Variants in FAM135B observed in about 807,000 individuals in gnomAD.
FAM135B encodes family with sequence similarity 135 member B.
A neutral mutation model predicts 127.7 loss-of-function variants in FAM135B; 43 were observed. The observed-to-expected ratio is 0.34, with a 90% CI of 0.26 to 0.43. FAM135B has a LOEUF of 0.43. Ranked by LOEUF, FAM135B falls within the 20% of genes least tolerant of loss-of-function variation. The pLI, the probability that FAM135B is intolerant of heterozygous loss-of-function variation, is 1.00. For synonymous variants in FAM135B, 670 were observed against 665.1 expected, an observed-to-expected ratio of 1.01 and a Z score of -0.11; for missense variants, 1,558 against 1,725.6, an observed-to-expected ratio of 0.90 and a Z score of 1.72.
chr8:138,207,745 C>T (rs79430186), intron 7 of FAM135B, among the ~76,000 whole-genome samples: 3,168 of 152,230 alleles, frequency 0.021, 54 homozygotes, highest in Middle Eastern at 0.055. Context: ...CCTTTCTCTG[C>T]CCATTTATTG....
chr8:138,283,283 C>T (rs760338345), intron 3 of FAM135B, among the ~76,000 whole-genome samples: 30 of 151,900 alleles, frequency 2.0e-4, no homozygotes, highest in African/African-American at 6.5e-4. Context: ...AGAACCAAAA[C>T]GAAATGAGCC....
intron 1 of FAM135B, among the ~76,000 whole-genome samples, chr8:138,409,566 C>T (rs1459475725): frequency 1.3e-5 from 2 of 151,914 alleles, no homozygotes; most frequent in East Asian, 1.9e-4. Flanking sequence ...AATTGCATCA[C>T]CTAGGAAGGA....
chr8:138,419,276 T>A (rs1420527473), intron 1 of FAM135B, among the ~76,000 whole-genome samples: 1 of 152,108 alleles, frequency 6.6e-6, no homozygotes. Flanking sequence ...TGTTACATAA[T>A]GATAAAGGGT....
chr8:138,158,045 G>A (rs201422610), intron 12 of FAM135B, among the ~76,000 whole-genome samples: 11 of 152,090 alleles, frequency 7.2e-5, no homozygotes, highest in African/African-American at 2.7e-4. Flanking sequence ...CTGACTTCAA[G>A]CTATAGTACA....
chr8:138,412,592 G>C (rs972630756), intron 1 of FAM135B, among the ~76,000 whole-genome samples: 1 of 152,118 alleles, frequency 6.6e-6, no homozygotes, highest in Admixed American at 6.5e-5. Context: ...CTTTGCTTCT[G>C]TCTTATATTG....
chr8:138,420,527 C>T (rs1016616715), intron 1 of FAM135B, among the ~76,000 whole-genome samples: 1 of 151,812 alleles, frequency 6.6e-6, no homozygotes, highest in African/African-American at 2.4e-5. Context: ...CTATTAATAA[C>T]ACCAAAACTG....
intron 3 of FAM135B, among the ~76,000 whole-genome samples, chr8:138,299,999 G>A (rs1216747506): frequency 6.6e-6 from 1 of 151,922 alleles, no homozygotes; most frequent in East Asian, 1.9e-4. Flanking sequence ...ACGGAATCTC[G>A]CTCTATCGCC....
intron 7 of FAM135B, among the ~76,000 whole-genome samples, chr8:138,207,036 A>G (rs909460705): frequency 6.6e-6 from 1 of 152,100 alleles, no homozygotes; most frequent in South Asian, 2.1e-4. Flanking sequence ...GTGATCACAG[A>G]CACATCTATA....
intron 4 of FAM135B, among the ~76,000 whole-genome samples, chr8:138,258,358 G>T (rs1471447662): frequency 1.3e-5 from 2 of 152,070 alleles, no homozygotes; most frequent in East Asian, 1.9e-4. Flanking sequence ...GGTCTCCAGG[G>T]TTTAAAATTT....
chr8:138,489,591 C>T (rs1008607230), intron 1 of FAM135B, among the ~76,000 whole-genome samples: 1 of 152,142 alleles, frequency 6.6e-6, no homozygotes, highest in South Asian at 2.1e-4. Context: ...AGTTTAAGAT[C>T]TTTCCACCCC....
At chr8:138,172,140 T>A (rs554836601) in intron 11 of FAM135B, among the ~76,000 whole-genome samples, 9 of 152,336 alleles carry the variant, frequency 5.9e-5, no homozygotes, top group African/African-American at 2.2e-4. Context: ...AACAACTTTC[T>A]CTCTGAATTA....
chr8:138,446,935 C>T (rs1412765320), intron 1 of FAM135B, among the ~76,000 whole-genome samples: 1 of 152,158 alleles, frequency 6.6e-6, no homozygotes, highest in Admixed American at 6.5e-5. Context: ...CCAGAATCTA[C>T]AGAGAACTCA....
intron 9 of FAM135B, among the ~76,000 whole-genome samples, chr8:138,182,805 T>C (rs1014596909): frequency 6.6e-6 from 1 of 152,230 alleles, no homozygotes; most frequent in Non-Finnish European, 1.5e-5. Flanking sequence ...TCAATTATGG[T>C]TGCCCATCGG....
chr8:138,302,701 G>T (rs138694053), intron 3 of FAM135B, among the ~76,000 whole-genome samples: 116 of 152,294 alleles, frequency 7.6e-4, no homozygotes, highest in African/African-American at 2.7e-3. Flanking sequence ...CTGAGTCCCT[G>T]GGGCCTCCCC....
chr8:138,320,186 A>C lies in FAM135B; in HGVS notation c.78-9266T>G, dbSNP rs900852586. Among the ~76,000 whole-genome samples, 26 of 152,354 alleles carry C rather than the reference A, an allele frequency of 1.7e-4. 1 individual carries two copies. The highest frequency in any genetic ancestry group is 1.0e-3 in the Admixed American group (16 of 15,298). On this transcript the variant is annotated intron_variant, in intron 2 of 19. Transcript: ENST00000395297. ...GTTTTAAGCCACTTAGGTTATGGCA[A>C]TATATTATAGCAGTAATTGTAAACT...
chr8:138,430,941 C>A (rs1835158833), intron 1 of FAM135B, among the ~76,000 whole-genome samples: 1 of 152,064 alleles, frequency 6.6e-6, no homozygotes, highest in African/African-American at 2.4e-5. Context: ...CGAAATTTCC[C>A]AAGGGAATAA....
intron 7 of FAM135B, among the ~76,000 whole-genome samples, chr8:138,211,075 C>G (rs1818104018): frequency 6.6e-6 from 1 of 152,144 alleles, no homozygotes; most frequent in Non-Finnish European, 1.5e-5. Context: ...ATAAAAGATG[C>G]TCCGTGCTAA....
At chr8:138,195,518 T>C (rs1016682584) in intron 8 of FAM135B, among the ~76,000 whole-genome samples, 4 of 151,988 alleles carry the variant, frequency 2.6e-5, no homozygotes, top group East Asian at 3.8e-4. Context: ...GACTGAGCAC[T>C]AGATAAAAGC....
Position 138,265,822 on chromosome 8 carries a change from C to A in FAM135B, c.178G>T (p.Ala60Ser), listed in dbSNP as rs2130632214. The part of the protein sequence containing the change: ...GQTESSSLHS[A>S]CVHDSTVHSR... ...TGCACGGTGCTGTCATGGACACAGGCTGAATGCAGGCTGCTGCTCTCTGCA... is the reference window on the plus strand; with the variant it reads ...TGCACGGTGCTGTCATGGACACAGGATGAATGCAGGCTGCTGCTCTCTGCA... The change falls in exon 4 of 20, where the codon GCC becomes TCC. Residue 60 changes from alanine to serine, a missense_variant. Ala to Ser is a moderately conservative substitution (Grantham distance 99). This residue lies in a region of FAM135B where 199 missense variants were observed against 245.7 expected (regional missense o/e 0.81). Coordinates refer to ENST00000395297, the MANE Select transcript of FAM135B (RefSeq NM_015912.4). The A allele has an allele frequency of 1.2e-6, 2 of 1,613,848 alleles. No individual in the cohort carries two copies. The highest frequency in any genetic ancestry group is 2.2e-5 in the East Asian group (1 of 44,868).
Sources: gnomAD v4.1 joint callset for allele counts (sites outside exome capture counted in the v4.1 genomes callset) on GRCh38, gnomAD v4.1.1 for gene constraint, gnomAD v4.1.1 regional missense constraint, MANE v1.5 for transcripts, NCBI Gene and HGNC (gene_info 2026-07-23, HGNC 2026-07-21) for gene names.